Variants in CR1 observed in about 807,000 individuals in gnomAD.
The protein encoded by CR1 is complement receptor type 1.
In CR1, 116 loss-of-function variants were observed where a neutral mutation model predicts 187.3. The observed-to-expected ratio is 0.62, with a 90% confidence interval of 0.53 to 0.72. The LOEUF (loss-of-function observed/expected upper bound fraction) is 0.72, where lower values mean the gene tolerates loss of function less well. Ranked by LOEUF, CR1 falls within the 30% of genes least tolerant of loss-of-function variation. The probability of loss-of-function intolerance (pLI) is 0.00; values close to 1 mark genes in which losing one functional copy is unlikely to be tolerated. For synonymous variants in CR1, 576 were observed against 747.1 expected, an observed-to-expected ratio of 0.77 and a Z score of 3.73; for missense variants, 1,731 against 2,110.7, an observed-to-expected ratio of 0.82 and a Z score of 3.52.
intron 37 of CR1, among the ~76,000 whole-genome samples, chr1:207,609,921 A>T (rs1030397650): frequency 5.3e-5 from 8 of 152,208 alleles, no homozygotes; most frequent in Non-Finnish European, 1.0e-4. Flanking sequence ...CAAATATATG[A>T]AGTAGCTACT....
chr1:207,567,762 A>G, intron 24 of CR1, 62 bp from the exon 25 acceptor site: 3 of 1,603,014 alleles, frequency 1.9e-6, no homozygotes. Flanking sequence ...AGCACCCTGT[A>G]ATTGCAGAAT....
chr1:207,504,943 CT>C (rs1659382929), intron 1 of CR1, among the ~76,000 whole-genome samples: 1 of 152,148 alleles, frequency 6.6e-6, no homozygotes, highest in South Asian at 2.1e-4. Flanking sequence ...GCATTAGATT[CT>C]CATAGGAGCA....
intron 24 of CR1, among the ~76,000 whole-genome samples, chr1:207,567,189 A>G (rs907494948): frequency 6.7e-5 from 10 of 150,332 alleles, no homozygotes; most frequent in Non-Finnish European, 1.2e-4. Context: ...AACCTGACCC[A>G]GAGAGTAAAA....
intron 40 of CR1, 132 bp downstream of exon 40, chr1:207,614,621 G>A: frequency 4.7e-6 from 3 of 633,982 alleles, no homozygotes; most frequent in South Asian, 1.9e-5. Flanking sequence ...TTCTTTGTTG[G>A]AAGAATTTCA....
intron 32 of CR1, among the ~76,000 whole-genome samples, chr1:207,582,627 G>A (rs913093685): frequency 3.3e-5 from 5 of 152,208 alleles, no homozygotes; most frequent in African/African-American, 1.2e-4. Flanking sequence ...ACCTCTGGGT[G>A]TAGCTGAGGG....
intron 1 of CR1, among the ~76,000 whole-genome samples, chr1:207,502,764 C>G (rs1193998194): frequency 1.3e-5 from 2 of 152,208 alleles, no homozygotes; most frequent in Admixed American, 1.3e-4. Flanking sequence ...GTAGAAAGCA[C>G]AGAGTTAGGC....
At chr1:207,610,633 C>T (rs1446967116) in intron 37 of CR1, among the ~76,000 whole-genome samples, 2 of 152,154 alleles carry the variant, frequency 1.3e-5, no homozygotes, top group Non-Finnish European at 2.9e-5. Flanking sequence ...TGCCTAGTTT[C>T]AAATGCATTC....
rs1380756882 is a variant in CR1 at position 207,639,458 on chromosome 1, A to G, written c.*49A>G. 3.2e-6 allele frequency: 5 copies of G among 1,553,352 alleles called. No homozygotes were observed. The highest frequency in any genetic ancestry group is 4.4e-6 in the Non-Finnish European group (5 of 1,138,746). ...CATCTCGAATACAATTTTGGTGGGA[A>G]AGGAGCCAATTGATTTCAACAGAAT... On this transcript the variant is annotated 3_prime_UTR_variant, in exon 47 of 47. Coordinates refer to ENST00000367049, the MANE Select transcript of CR1 (RefSeq NM_000651.6).
At chr1:207,575,560 G>A (rs370774259) in intron 27 of CR1, 35 bp from the exon 28 acceptor site, 107 of 1,611,600 alleles carry the variant, frequency 6.6e-5, no homozygotes, top group Non-Finnish European at 8.7e-5. Context: ...GATGAGGTAT[G>A]TACAGGACAA....
chr1:207,601,782 G>T (rs1281780922), intron 35 of CR1, among the ~76,000 whole-genome samples: 1 of 151,900 alleles, frequency 6.6e-6, no homozygotes, highest in Non-Finnish European at 1.5e-5. Flanking sequence ...TTGTTATTGA[G>T]TTACAGGAGT....
chr1:207,512,345 C>T (rs1297923902), intron 4 of CR1, among the ~76,000 whole-genome samples: 2 of 152,106 alleles, frequency 1.3e-5, no homozygotes, highest in Non-Finnish European at 2.9e-5. Context: ...TATATCCATA[C>T]ACTGGCATGG....
chr1:207,602,266 C>T (rs1661628097), intron 35 of CR1, among the ~76,000 whole-genome samples: 1 of 151,926 alleles, frequency 6.6e-6, no homozygotes. Flanking sequence ...ATTATTTAAA[C>T]TGTTATGGAA....
intron 35 of CR1, among the ~76,000 whole-genome samples, chr1:207,602,329 A>T (rs1196535603): frequency 6.6e-6 from 1 of 152,172 alleles, no homozygotes; most frequent in African/African-American, 2.4e-5. Flanking sequence ...TTACAAATGA[A>T]AATAAAATAA....
chr1:207,635,101 A>G (rs1175876724), intron 46 of CR1, among the ~76,000 whole-genome samples: 1 of 152,182 alleles, frequency 6.6e-6, no homozygotes, highest in Non-Finnish European at 1.5e-5. Flanking sequence ...CGTGTAATTT[A>G]TATGGAATGC....
intron 35 of CR1, among the ~76,000 whole-genome samples, chr1:207,593,778 T>C (rs116632386): frequency 6.6e-6 from 1 of 151,976 alleles, no homozygotes; most frequent in Non-Finnish European, 1.5e-5. Flanking sequence ...AACAACCCTA[T>C]CGAAAAGAGG....
intron 45 of CR1, among the ~76,000 whole-genome samples, chr1:207,623,911 CT>C (rs71154830): frequency 0.011 from 589 of 52,454 alleles, 3 homozygotes; most frequent in African/African-American, 0.035. Context: ...ACACCATTAA[CT>C]TTTTTTTTTT....
chr1:207,629,661 G>C (rs1179476398), intron 45 of CR1, among the ~76,000 whole-genome samples: 2 of 152,198 alleles, frequency 1.3e-5, no homozygotes, highest in Non-Finnish European at 2.9e-5. Flanking sequence ...AACTCTTCAA[G>C]CTTCCATTCT....
chr1:207,583,366 T>C (rs1384764496), intron 32 of CR1, among the ~76,000 whole-genome samples: 2 of 152,192 alleles, frequency 1.3e-5, no homozygotes, highest in East Asian at 3.8e-4. Flanking sequence ...CTGATTGGAA[T>C]GAATTCTAGG....
At chr1:207,573,654 C>T (rs1473409495) in intron 27 of CR1, among the ~76,000 whole-genome samples, 3 of 151,986 alleles carry the variant, frequency 2.0e-5, no homozygotes, top group Non-Finnish European at 2.9e-5. Context: ...TGTACAAATA[C>T]TTCTGTGAAA....
Sources: gnomAD v4.1 joint callset for allele counts (sites outside exome capture counted in the v4.1 genomes callset) on GRCh38, gnomAD v4.1.1 for gene constraint, MANE v1.5 for transcripts, NCBI Gene and HGNC (gene_info 2026-07-23, HGNC 2026-07-21) for gene names.